The following ITGAD variants were observed in gnomAD, a reference collection of about 807,000 sequenced individuals.
ITGAD encodes integrin alpha-D.
A neutral mutation model predicts 139.0 loss-of-function variants in ITGAD; 105 were observed. The observed-to-expected ratio is 0.76, with a 90% confidence interval of 0.65 to 0.89. ITGAD has a LOEUF of 0.89. Among genes scored for constraint, ITGAD ranks in the 40% least tolerant of loss-of-function variants. The pLI is 0.00. For synonymous variants in ITGAD, 569 were observed against 598.3 expected, an observed-to-expected ratio of 0.95 and a Z score of 0.71; for missense variants, 1,384 against 1,487.3, an observed-to-expected ratio of 0.93 and a Z score of 1.14.
intron 10 of ITGAD, among the ~76,000 whole-genome samples, chr16:31,409,465 G>T (rs902141198): frequency 6.6e-6 from 1 of 152,082 alleles, no homozygotes; most frequent in African/African-American, 2.4e-5. Context: ...ATACTTGGGG[G>T]TTCATTATAC....
chr16:31,407,708 A>G, intron 8 of ITGAD, 40 bp downstream of exon 8: 2 of 1,613,286 alleles, frequency 1.2e-6, no homozygotes, highest in Non-Finnish European at 1.7e-6. Flanking sequence ...CTCAGCCTGC[A>G]TCTCCTTCAG....
intron 5 of ITGAD, 27 bp downstream of exon 5, chr16:31,397,936 C>T: frequency 3.2e-6 from 5 of 1,551,048 alleles, no homozygotes; most frequent in Non-Finnish European, 4.4e-6. Context: ...CCATGGTTCC[C>T]TGTGGAGCAC....
At position 31,403,966 on chromosome 16, in the gene ITGAD, G is replaced by A; in HGVS notation, c.704+321G>A. On this transcript the variant is annotated intron_variant, in intron 7 of 29. Transcript: ENST00000389202. This position sits in a 1 kb window ranked among gnomAD's most constrained non-coding sequence, Gnocchi z 4.4. ...TCAGACACATCAGGCTCCCATCCTG[G>A]CTCCCCGTGAGCTACTCTGGGTGTA... The A allele has an allele frequency of 2.8e-6, 1 of 359,636 alleles. No individual in the cohort carries two copies. Among genetic ancestry groups the A allele is most frequent in the Non-Finnish European group, 5.3e-6 (1 of 190,278 alleles). 22.3% of individuals were successfully genotyped at this position (359,636 alleles called of 1,614,324 possible). A position where few individuals can be genotyped will look rare whatever the true frequency, so the allele number is the denominator to read the frequency against.
chr16:31,409,831 G>A (rs1476347187), intron 10 of ITGAD, among the ~76,000 whole-genome samples: 1 of 148,816 alleles, frequency 6.7e-6, no homozygotes, highest in East Asian at 2.0e-4. Context: ...GGGATTGCAT[G>A]AGTCCAGGAG....
chr16:31,414,990 CT>C lies in ITGAD; in HGVS notation c.2283del (p.Leu762SerfsTer29). ...AVGSQDLFTA[S>X]LPFEKNCGQD... ...GGCTCACAAGACCTCTTCACTGCTTCTGTGAGTCTTCTGATGAAGTCCCAGG... is the reference window on the plus strand; with the variant it reads ...GGCTCACAAGACCTCTTCACTGCTTCGTGAGTCTTCTGATGAAGTCCCAGG... On this transcript the variant is annotated frameshift_variant and splice_region_variant, in exon 18 of 30. Coordinates refer to ENST00000389202, the MANE Select transcript of ITGAD (RefSeq NM_005353.3). LOFTEE classifies it high-confidence loss of function. 1 of 1,614,012 alleles carries C rather than the reference CT, an allele frequency of 6.2e-7. No homozygotes were observed. Among genetic ancestry groups the C allele is most frequent in the Non-Finnish European group, 8.5e-7 (1 of 1,179,972 alleles).
intron 20 of ITGAD, among the ~76,000 whole-genome samples, chr16:31,417,296 A>C (rs2081917162): frequency 6.7e-6 from 1 of 149,556 alleles, no homozygotes; most frequent in African/African-American, 2.5e-5. Flanking sequence ...GGCTGGTCTC[A>C]AACTCCTGGG....
chr16:31,424,038 C>A, intron 27 of ITGAD, 64 bp from the exon 28 acceptor site: 2 of 1,606,064 alleles, frequency 1.2e-6, no homozygotes, highest in South Asian at 1.1e-5. Flanking sequence ...CAAGCCAGGG[C>A]ACCCCCGAAG....
At chr16:31,424,973 C>T (rs1257536847) in intron 29 of ITGAD, among the ~76,000 whole-genome samples, 3 of 152,192 alleles carry the variant, frequency 2.0e-5, no homozygotes, top group Non-Finnish European at 4.4e-5. Context: ...AGAACTCAGA[C>T]TGTGGAGGCA....
At chr16:31,419,163 A>T (rs995567535) in intron 23 of ITGAD, among the ~76,000 whole-genome samples, 3 of 151,842 alleles carry the variant, frequency 2.0e-5, no homozygotes, top group Non-Finnish European at 4.4e-5. Context: ...ACTGCACTCC[A>T]GCCTGGGCAA....
Position 31,426,387 on chromosome 16 carries a change from G to A in ITGAD, c.*259G>A, listed in dbSNP as rs2082116102. The A allele has an allele frequency of 2.4e-6, 1 of 410,244 alleles. No homozygotes were observed. The highest frequency in any genetic ancestry group is 4.5e-6 in the Non-Finnish European group (1 of 222,772). 25.4% of individuals were successfully genotyped at this position (410,244 alleles called of 1,614,324 possible). A position where few individuals can be genotyped will look rare whatever the true frequency, so the allele number is the denominator to read the frequency against. On this transcript the variant is annotated 3_prime_UTR_variant, in exon 30 of 30. Transcript: ENST00000389202. Reference sequence around the variant, plus strand: ...ATGCTTAAGAATTGTCACATGAAATGAGGATGTTTATAGCACACTTTCCTT... The same window carrying A: ...ATGCTTAAGAATTGTCACATGAAATAAGGATGTTTATAGCACACTTTCCTT...
chr16:31,418,174 T>C lies in ITGAD; in HGVS notation c.2599T>C (p.Phe867Leu). 6.2e-7 allele frequency: 1 copy of C among 1,613,942 alleles called. No individual in the cohort carries two copies. Among genetic ancestry groups the C allele is most frequent in the Non-Finnish European group, 8.5e-7 (1 of 1,179,864 alleles). Residue 867 changes from phenylalanine to leucine, a missense_variant, in exon 21 of 30, where the codon TTC (phenylalanine) becomes CTC (leucine). By Grantham distance (22) the Phe-to-Leu change is conservative. Coordinates refer to ENST00000389202, the MANE Select transcript of ITGAD (RefSeq NM_005353.3). ...SSRCSVNHPI[F>L]HEGSNGTFIV... ...CCGCTGCAGTGTCAACCACCCCATC[T>C]TCCATGAGGGCTCTAACGTCAGTGC...
At position 31,412,872 on chromosome 16, in the gene ITGAD, A is replaced by G. The variant is rs2081767353; in HGVS notation, c.1742A>G (p.Gln581Arg). The change falls in exon 15 of 30, where the codon CAG (glutamine) becomes CGG (arginine). Residue 581 changes from glutamine (Q) to arginine (R), a missense_variant. By Grantham distance (43) the Gln-to-Arg change is conservative (BLOSUM62 1). Transcript: ENST00000389202. Reference sequence around the variant, plus strand: ...AGCTCCCAGCTCTCCCCCAGGCTGCAGTATTTTGGGCAGGCGCTGAGTGGG... The same window carrying G: ...AGCTCCCAGCTCTCCCCCAGGCTGCGGTATTTTGGGCAGGCGCTGAGTGGG... ...IASSQLSPRL[Q>R]YFGQALSGGQ... 1.2e-6 allele frequency: 2 copies of G among 1,613,996 alleles called. No homozygotes were observed. The highest frequency in any genetic ancestry group is 1.7e-6 in the Non-Finnish European group (2 of 1,179,984).
Position 31,411,392 on chromosome 16 carries a change from G to A in ITGAD, c.1582G>A (p.Gly528Arg). 2 of 1,614,126 alleles carry A rather than the reference G, an allele frequency of 1.2e-6. No individual in the cohort carries two copies. Among genetic ancestry groups the A allele is most frequent in the Non-Finnish European group, 1.7e-6 (2 of 1,180,010 alleles). Residue 528 changes from glycine (G) to arginine (R), a missense_variant, in exon 14 of 30, where the codon GGG becomes AGG. Physicochemically the swap from Gly to Arg is moderately radical, Grantham distance 125 (BLOSUM62 -2). Transcript: ENST00000389202. ...CTTTGGGGCAGCCCTGACAGTGTTG[G>A]GGGATGTGAATGAGGACAAGCTGAT... ...GRFGAALTVL[G>R]DVNEDKLIDV...
At chr16:31,410,303 G>T in intron 10 of ITGAD, 92 bp from the exon 11 acceptor site, 1 of 1,561,154 alleles carries the variant, frequency 6.4e-7, no homozygotes, top group Non-Finnish European at 8.8e-7. Context: ...GAAAAGCCTG[G>T]ATGGCGAGTG....
chr16:31,398,155 G>T (rs1360995725), intron 5 of ITGAD, among the ~76,000 whole-genome samples: 1 of 152,098 alleles, frequency 6.6e-6, no homozygotes, highest in Non-Finnish European at 1.5e-5. Context: ...AGTGGCTCAG[G>T]CCTGTAATTC....
At chr16:31,419,812 C>CAAAAAAAAAA (rs1202333629) in intron 23 of ITGAD, among the ~76,000 whole-genome samples, 110 of 54,904 alleles carry the variant, frequency 2.0e-3, no homozygotes, top group Middle Eastern at 8.5e-3. Context: ...GGCTCTGTCT[C>CAAAAAAAAAA]AAAAAAAAAA....
In ITGAD at chr16:31,415,007, A is replaced by T. The variant is rs570989485; in HGVS notation, c.2283+16A>T. Reference sequence around the variant, plus strand: ...CACTGCTTCTGTGAGTCTTCTGATGAAGTCCCAGGGATGTGCTGACTTCAT... The same window carrying T: ...CACTGCTTCTGTGAGTCTTCTGATGTAGTCCCAGGGATGTGCTGACTTCAT... On this transcript the variant is annotated intron_variant, in intron 18 of 29. Coordinates refer to ENST00000389202, the MANE Select transcript of ITGAD (RefSeq NM_005353.3). The T allele has an allele frequency of 1.8e-5, 29 of 1,613,754 alleles. No individual in the cohort carries two copies. The African/African-American group carries it at 3.5e-4, about 19-fold the overall frequency.
At chr16:31,413,277 C>G (rs2081786754) in intron 16 of ITGAD, 31 bp downstream of exon 16, 4 of 1,609,516 alleles carry the variant, frequency 2.5e-6, no homozygotes, top group Non-Finnish European at 3.4e-6. Context: ...GGGCCCAGGC[C>G]CCTCATTCCA....
intron 23 of ITGAD, among the ~76,000 whole-genome samples, chr16:31,421,340 G>A (rs142138721): frequency 0.013 from 2,028 of 151,134 alleles, 58 homozygotes; most frequent in African/African-American, 0.046. Flanking sequence ...ACGGTGGCTC[G>A]TGCCTGTAAT....
Sources: gnomAD v4.1 joint callset for allele counts (sites outside exome capture counted in the v4.1 genomes callset) on GRCh38, gnomAD v4.1.1 for gene constraint, Gnocchi (gnomAD v3.1) non-coding constraint, MANE v1.5 for transcripts, NCBI Gene and HGNC (gene_info 2026-07-23, HGNC 2026-07-21) for gene names.